The following INSIG2 variants were observed in gnomAD, a reference collection of about 807,000 sequenced individuals.
The protein encoded by INSIG2 is insulin induced gene 2, also known as insulin-induced gene 2 protein.
Under a neutral mutation model 27.2 loss-of-function variants are expected in INSIG2, and 10 were observed. The ratio of observed to expected loss-of-function variants is 0.37; its 90% confidence interval spans 0.23 to 0.62. The LOEUF (loss-of-function observed/expected upper bound fraction) is 0.62, where lower values mean the gene tolerates loss of function less well. Among genes scored for constraint, INSIG2 ranks in the 20% least tolerant of loss-of-function variants. The pLI, the probability that INSIG2 is intolerant of heterozygous loss-of-function variation, is 0.65. For missense variants in INSIG2, 178 were observed against 270.2 expected (o/e 0.66, Z 2.39); for synonymous variants, 97 against 95.8 (o/e 1.01, Z -0.07).
chr2:118,104,409 G>T (rs748233299), intron 3 of INSIG2, among the ~76,000 whole-genome samples: 4 of 152,314 alleles, frequency 2.6e-5, no homozygotes, highest in Non-Finnish European at 5.9e-5. Context: ...TTGCAGGTCT[G>T]TGAATTTGGA....
chr2:118,103,078 T>TG, intron 2 of INSIG2, 119 bp from the exon 3 acceptor site: 34 of 970,494 alleles, frequency 3.5e-5, no homozygotes, highest in Admixed American at 5.0e-5. Context: ...ACTTTTTTTT[T>TG]TGTTTTTTTT....
chr2:118,107,404 A>G (rs1169675284), intron 5 of INSIG2, among the ~76,000 whole-genome samples: 1 of 152,240 alleles, frequency 6.6e-6, no homozygotes, highest in Non-Finnish European at 1.5e-5. Flanking sequence ...TGTTATGGAT[A>G]GGGCAATATG....
chr2:118,101,055 C>T (rs1558835603), intron 2 of INSIG2, among the ~76,000 whole-genome samples: 1 of 152,058 alleles, frequency 6.6e-6, no homozygotes, highest in Non-Finnish European at 1.5e-5. Flanking sequence ...TGATTTTACA[C>T]AGGCATGATT....
intron 1 of INSIG2, among the ~76,000 whole-genome samples, chr2:118,095,722 G>C (rs576046781): frequency 6.6e-6 from 1 of 152,260 alleles, no homozygotes; most frequent in African/African-American, 2.4e-5. Flanking sequence ...TCGTCCTCCA[G>C]CTTTCTTACA....
Position 118,108,266 on chromosome 2 carries a change from T to G in INSIG2, c.637-15T>G. 1.9e-6 allele frequency: 3 copies of G among 1,572,928 alleles called. No homozygotes were observed. The highest frequency in any genetic ancestry group is 2.6e-6 in the Non-Finnish European group (3 of 1,154,360). The stretch of plus-strand genomic sequence containing the variant: ...GTCTTAATCTGTTAACCTTTTAACC[T>G]TTTAATTTTTGCAGTACGAATGTAA... On this transcript the variant is annotated splice_polypyrimidine_tract_variant and intron_variant, in intron 5 of 5. Coordinates refer to ENST00000245787, the MANE Select transcript of INSIG2 (RefSeq NM_016133.4).
intron 2 of INSIG2, among the ~76,000 whole-genome samples, chr2:118,099,866 T>C (rs1052603584): frequency 6.6e-6 from 1 of 152,188 alleles, no homozygotes; most frequent in African/African-American, 2.4e-5. Context: ...TTGGAGTCTT[T>C]AGTCTTTGCC....
rs190057698 is a variant in INSIG2 at position 118,108,052 on chromosome 2, C to T, written c.637-229C>T. Among the ~76,000 whole-genome samples the T allele has an allele frequency of 4.8e-3, 737 of 152,252 alleles. 4 individuals are homozygous for T. Among genetic ancestry groups the T allele is most frequent in the African/African-American group, 0.017 (692 of 41,570 alleles). On this transcript the variant is annotated intron_variant, in intron 5 of 5. Coordinates refer to ENST00000245787, the MANE Select transcript of INSIG2 (RefSeq NM_016133.4). ...CTTGCTTGTAATGCAGAAATCTCATCTTTCTCTTGCTTTTGGCTGTGGCTT... is the reference window on the plus strand; with the variant it reads ...CTTGCTTGTAATGCAGAAATCTCATTTTTCTCTTGCTTTTGGCTGTGGCTT...
At chr2:118,093,080 ATG>A (rs1678299289) in intron 1 of INSIG2, among the ~76,000 whole-genome samples, 2 of 34,834 alleles carry the variant, frequency 5.7e-5, no homozygotes, top group African/African-American at 1.7e-4. Context: ...AAGCAACCAG[ATG>A]ATGATGATGA....
In INSIG2 at chr2:118,096,435, T is replaced by C. The variant is rs1393765272; in HGVS notation, c.-122T>C. ...CTCTTGCAGGATTTCTGGTAGGTCC[T>C]ACTTTAGGACAAGATGTGGTACCGT... is the stretch of plus-strand genomic sequence containing the variant. On this transcript the variant is annotated 5_prime_UTR_variant, in exon 2 of 6. Transcript: ENST00000245787. The C allele has an allele frequency of 1.1e-5, 10 of 934,936 alleles. No individual in the cohort carries two copies. Among genetic ancestry groups the C allele is most frequent in the South Asian group, 1.7e-5 (1 of 57,214 alleles). 57.9% of individuals were successfully genotyped at this position (934,936 alleles called of 1,614,324 possible).
At chr2:118,096,057 G>A (rs936590441) in intron 1 of INSIG2, among the ~76,000 whole-genome samples, 3 of 152,150 alleles carry the variant, frequency 2.0e-5, no homozygotes, top group Non-Finnish European at 4.4e-5. Context: ...TTAGGGAGAA[G>A]AAACAGAGAG....
At chr2:118,099,747 C>T (rs1444931627) in intron 2 of INSIG2, among the ~76,000 whole-genome samples, 1 of 152,200 alleles carries the variant, frequency 6.6e-6, no homozygotes, top group African/African-American at 2.4e-5. Flanking sequence ...TTGCCCTATT[C>T]CTGTAGAGCC....
intron 1 of INSIG2, among the ~76,000 whole-genome samples, chr2:118,095,571 T>C (rs996273272): frequency 2.6e-5 from 4 of 152,236 alleles, no homozygotes; most frequent in African/African-American, 9.6e-5. Context: ...AAGATCACTT[T>C]GGTTAGAGGA....
At chr2:118,097,496 G>T (rs1678439847) in intron 2 of INSIG2, among the ~76,000 whole-genome samples, 1 of 152,142 alleles carries the variant, frequency 6.6e-6, no homozygotes, top group African/African-American at 2.4e-5. Flanking sequence ...CTATAAGGTA[G>T]ACTCTCTTTG....
At chr2:118,103,750 T>G (rs930493865) in intron 3 of INSIG2, among the ~76,000 whole-genome samples, 3 of 152,156 alleles carry the variant, frequency 2.0e-5, no homozygotes, top group Non-Finnish European at 2.9e-5. Flanking sequence ...GCTTTTTTTT[T>G]TTAAAGGTAG....
chr2:118,104,638 G>C (rs1392414278), intron 3 of INSIG2, among the ~76,000 whole-genome samples: 1 of 152,146 alleles, frequency 6.6e-6, no homozygotes, highest in African/African-American at 2.4e-5. Flanking sequence ...AGAAGCTAAA[G>C]AGGTTAGGTA....
chr2:118,106,872 A>T lies in INSIG2; in HGVS notation c.505A>T (p.Thr169Ser). ...VGIAFLATVV[T>S]QLLVYNGVYQ... ...AATTGCCTTCTTGGCAACTGTGGTC[A>T]CTCAACTGCTAGTATATAATGGTGT... is the stretch of plus-strand genomic sequence containing the variant. Residue 169 changes from threonine to serine, a missense_variant, in exon 4 of 6, where the codon ACT (threonine) becomes TCT (serine). Coordinates refer to ENST00000245787, the MANE Select transcript of INSIG2 (RefSeq NM_016133.4). 6.2e-7 allele frequency: 1 copy of T among 1,614,138 alleles called. No individual in the cohort carries two copies. Among genetic ancestry groups the T allele is most frequent in the Non-Finnish European group, 8.5e-7 (1 of 1,179,978 alleles).
chr2:118,090,865 T>C (rs1462933842), intron 1 of INSIG2, among the ~76,000 whole-genome samples: 2 of 152,222 alleles, frequency 1.3e-5, no homozygotes, highest in African/African-American at 4.8e-5. Flanking sequence ...TTCTGTGATC[T>C]TGGAAAGTTA....
chr2:118,101,100 A>T (rs1300165936), intron 2 of INSIG2, among the ~76,000 whole-genome samples: 1 of 152,206 alleles, frequency 6.6e-6, no homozygotes, highest in Non-Finnish European at 1.5e-5. Context: ...AAAAAAAAGT[A>T]CAAGAAGAGG....
chr2:118,093,660 TGATGAGGAGGAG>T (rs1465578080), intron 1 of INSIG2, among the ~76,000 whole-genome samples: 3 of 50,640 alleles, frequency 5.9e-5, no homozygotes, highest in Admixed American at 2.0e-4. Flanking sequence ...CAGATGATGA[TGATGAGGAGGAG>T]GAGGAGGAGG....
Sources: gnomAD v4.1 joint callset for allele counts (sites outside exome capture counted in the v4.1 genomes callset) on GRCh38, gnomAD v4.1.1 for gene constraint, MANE v1.5 for transcripts, NCBI Gene and HGNC (gene_info 2026-07-23, HGNC 2026-07-21) for gene names.